Variants in JAKMIP3 observed in about 807,000 individuals in gnomAD.
The protein encoded by JAKMIP3 is janus kinase and microtubule-interacting protein 3.
In JAKMIP3, 58 loss-of-function variants were observed where a neutral mutation model predicts 118.5. The ratio of observed to expected loss-of-function variants is 0.49; its 90% CI spans 0.40 to 0.61. The LOEUF is 0.61. JAKMIP3 is among the 20% of genes least tolerant of loss of function. JAKMIP3 has a pLI of 0.00. For missense variants in JAKMIP3, 950 were observed against 1,109.0 expected, an observed-to-expected ratio of 0.86 and a Z score of 2.04; for synonymous variants, 486 against 451.2, an observed-to-expected ratio of 1.08 and a Z score of -0.98.
intron 1 of JAKMIP3, among the ~76,000 whole-genome samples, chr10:132,071,160 AGTGTGTGTGT>A (rs3068079): frequency 0.053 from 7,837 of 149,136 alleles, 275 homozygotes; most frequent in South Asian, 0.17. Context: ...GTCATTTAAA[AGTGTGTGTGT>A]GTGTGTGTGT....
intron 2 of JAKMIP3, among the ~76,000 whole-genome samples, chr10:132,107,389 G>A (rs1172917705): frequency 2.6e-5 from 4 of 152,146 alleles, no homozygotes; most frequent in East Asian, 1.9e-4. Context: ...CCCAGGTGCC[G>A]GCAAGGTTCC....
intron 8 of JAKMIP3, 149 bp downstream of exon 8, chr10:132,137,438 G>A: frequency 2.1e-6 from 2 of 971,576 alleles, no homozygotes; most frequent in South Asian, 1.6e-5. Context: ...GTGCCACCTG[G>A]CCAAGGCTGT....
intron 1 of JAKMIP3, among the ~76,000 whole-genome samples, chr10:132,050,126 C>A (rs921517273): frequency 6.6e-6 from 1 of 152,148 alleles, no homozygotes; most frequent in Non-Finnish European, 1.5e-5. Flanking sequence ...TCTTTTCTCC[C>A]CGGAAGTTCT....
At chr10:132,138,906 G>A (rs1448316709) in intron 9 of JAKMIP3, among the ~76,000 whole-genome samples, 1 of 152,244 alleles carries the variant, frequency 6.6e-6, no homozygotes, top group Non-Finnish European at 1.5e-5. Flanking sequence ...AGGCCCCACA[G>A]GGCAGACCCA....
intron 3 of JAKMIP3, among the ~76,000 whole-genome samples, chr10:132,121,264 C>A (rs929341138): frequency 2.0e-5 from 3 of 152,238 alleles, no homozygotes; most frequent in Admixed American, 6.5e-5. Flanking sequence ...GAACATCATT[C>A]CCAGGTTCCA....
intron 11 of JAKMIP3, among the ~76,000 whole-genome samples, chr10:132,142,437 G>A (rs1032597390): frequency 6.6e-6 from 1 of 152,144 alleles, no homozygotes; most frequent in Admixed American, 6.5e-5. Flanking sequence ...ACTTGTGGAG[G>A]TCATTCATCC....
chr10:132,079,158 C>CTGGGAGCG (rs142242799), intron 1 of JAKMIP3, among the ~76,000 whole-genome samples: 1 of 150,204 alleles, frequency 6.7e-6, no homozygotes, highest in South Asian at 2.1e-4. Context: ...AGCGGACGGC[C>CTGGGAGCG]CAGCCCCACA....
chr10:132,083,823 A>G (rs969576660), intron 1 of JAKMIP3, among the ~76,000 whole-genome samples: 1 of 152,140 alleles, frequency 6.6e-6, no homozygotes, highest in South Asian at 2.1e-4. Flanking sequence ...TGTTTTGTCA[A>G]AGATCAGTTG....
At chr10:132,036,659 C>G (rs995969677), upstream of JAKMIP3, among the ~76,000 whole-genome samples, 1 of 150,390 alleles carries the variant, frequency 6.6e-6, no homozygotes. Flanking sequence ...GTGACGGTGA[C>G]GCGCGCCCCC....
At chr10:132,154,447 G>A (rs1688798512) in intron 19 of JAKMIP3, among the ~76,000 whole-genome samples, 1 of 152,222 alleles carries the variant, frequency 6.6e-6, no homozygotes, top group South Asian at 2.1e-4. Context: ...AGGAGCATAG[G>A]ACGTTTCTAG....
rs1377720460 is a variant in JAKMIP3, at chr10:132,149,616, C to T, written c.1947+106C>T. On this transcript the variant is annotated intron_variant, in intron 15 of 23. Transcript: ENST00000684848. ...CCCTCCGCCCCCGCCCCACCCCCCT[C>T]CGCCCCCGCCCCACCCCCTCCGCCC... is the stretch of plus-strand genomic sequence containing the variant. 28 of 202,108 alleles carry T rather than the reference C, an allele frequency of 1.4e-4. 3 individuals carry two copies. The highest frequency in any genetic ancestry group is 2.3e-4 in the Non-Finnish European group (27 of 116,954). The allele number at this position is 202,108 out of a possible 1,614,324, so 12.5% of individuals were successfully genotyped here.
intron 19 of JAKMIP3, among the ~76,000 whole-genome samples, chr10:132,158,629 AGCATCTTCCTGTGAGATGCTGTGGGAGGG>A (rs2057371956): frequency 2.2e-5 from 3 of 135,254 alleles, no homozygotes; most frequent in East Asian, 2.3e-4. Flanking sequence ...CTGTGGGAGG[AGCATCTTCCTGTGAGATGCTGTGGGAGGG>A]GCATCTTCCT....
chr10:132,070,188 C>A (rs1306198307), intron 1 of JAKMIP3, among the ~76,000 whole-genome samples: 2 of 152,072 alleles, frequency 1.3e-5, no homozygotes, highest in African/African-American at 4.8e-5. Flanking sequence ...ACTCTTGTTG[C>A]CCAGGCTGGG....
At chr10:132,180,023 T>C (rs1217615079) in intron 23 of JAKMIP3, among the ~76,000 whole-genome samples, 1 of 152,186 alleles carries the variant, frequency 6.6e-6, no homozygotes, top group Non-Finnish European at 1.5e-5. Flanking sequence ...TTCATGGTTT[T>C]GATTTGGGGG....
chr10:132,131,540 C>T (rs1005134695), intron 3 of JAKMIP3, among the ~76,000 whole-genome samples: 13 of 151,734 alleles, frequency 8.6e-5, no homozygotes, highest in African/African-American at 1.7e-4. Flanking sequence ...TTCTTAGTGC[C>T]GGGGTAGGAT....
chr10:132,109,400 C>G (rs2046494228), intron 2 of JAKMIP3, among the ~76,000 whole-genome samples: 2 of 152,194 alleles, frequency 1.3e-5, no homozygotes, highest in South Asian at 4.1e-4. Flanking sequence ...GCACCCCCCA[C>G]AATTAACGAA....
At chr10:132,167,334 G>A (rs1053904190) in intron 22 of JAKMIP3, among the ~76,000 whole-genome samples, 1 of 152,218 alleles carries the variant, frequency 6.6e-6, no homozygotes, top group African/African-American at 2.4e-5. Context: ...CCACCCCAGT[G>A]TAGCAGAAAC....
chr10:132,070,649 G>C (rs554023123), intron 1 of JAKMIP3, among the ~76,000 whole-genome samples: 2 of 152,282 alleles, frequency 1.3e-5, no homozygotes, highest in Admixed American at 6.5e-5. Flanking sequence ...TTCCGAAACA[G>C]ACCTTGGTAC....
At chr10:132,116,297 A>G (rs1054245656) in intron 2 of JAKMIP3, among the ~76,000 whole-genome samples, 3 of 152,216 alleles carry the variant, frequency 2.0e-5, no homozygotes, top group Non-Finnish European at 4.4e-5. Flanking sequence ...TTTTCAAAAA[A>G]ATCTTCCCCA....
Sources: gnomAD v4.1 joint callset for allele counts (sites outside exome capture counted in the v4.1 genomes callset) on GRCh38, gnomAD v4.1.1 for gene constraint, MANE v1.5 for transcripts, NCBI Gene and HGNC (gene_info 2026-07-23, HGNC 2026-07-21) for gene names.